MMEL1: variants seen among roughly 807,000 people sequenced by gnomAD.
MMEL1 encodes the protein membrane metalloendopeptidase like 1.
MMEL1 carries 98 observed loss-of-function variants against 117.1 expected under a neutral mutation model. The ratio of observed to expected loss-of-function variants is 0.84; its 90% CI spans 0.71 to 0.99. MMEL1 has a LOEUF of 0.99. Among genes scored for constraint, MMEL1 ranks in the 50% least tolerant of loss-of-function variants. The pLI is 0.00. For synonymous variants in MMEL1, 390 were observed against 415.1 expected (o/e 0.94, Z 0.74); for missense variants, 1,014 against 1,049.1 (o/e 0.97, Z 0.46).
intron 17 of MMEL1, 38 bp from the exon 18 acceptor site, chr1:2,594,481 C>T (rs145701769): frequency 3.8e-5 from 59 of 1,550,432 alleles, no homozygotes; most frequent in African/African-American, 9.6e-5. Context: ...GCCGCCTCTC[C>T]GGGGACCCTC....
chr1:2,595,042 GC>G lies in MMEL1; in HGVS notation c.1585-150del, dbSNP rs1458215402. 2.1e-5 allele frequency: 15 copies of G among 728,890 alleles called. No homozygotes were observed. In the East Asian group the frequency reaches 3.4e-4, roughly 16 times the overall value. The allele number at this position is 728,890 out of a possible 1,614,324, so 45.2% of individuals were successfully genotyped here. On this transcript the variant is annotated intron_variant, in intron 16 of 23. Coordinates refer to ENST00000378412, the MANE Select transcript of MMEL1 (RefSeq NM_033467.4). The surrounding 1 kb of genome is among the most constrained non-coding windows in gnomAD (Gnocchi z 4.8). Reference sequence around the variant, plus strand: ...GCTGTGGGTGCAGGTGAACGGGGCAGCCCTGGCTGTGGGCATTTACATGACT... The same window carrying G: ...GCTGTGGGTGCAGGTGAACGGGGCAGCCTGGCTGTGGGCATTTACATGACT...
Position 2,612,247 on chromosome 1 carries a change from GCTCCCTGGGGGTGCTGGGGGC to G in MMEL1, c.155-64_155-44del. The G allele has an allele frequency of 6.5e-7, 1 of 1,529,228 alleles. No homozygotes were observed. Among genetic ancestry groups the G allele is most frequent in the Non-Finnish European group, 8.9e-7 (1 of 1,126,228 alleles). 94.7% of individuals were successfully genotyped at this position (1,529,228 alleles called of 1,614,324 possible). On this transcript the variant is annotated intron_variant, in intron 2 of 23. Transcript: ENST00000378412. The surrounding 1 kb of genome is among the most constrained non-coding windows in gnomAD (Gnocchi z 5.4). ...GCTCAGCTGCGGCCTCCTGCCTGCA[GCTCCCTGGGGGTGCTGGGGGC>G]CTCCCTGGGTCAGCACGCCATCTTC... is the stretch of plus-strand genomic sequence containing the variant.
chr1:2,609,590 G>A (rs1464994128), intron 5 of MMEL1, 80 bp downstream of exon 5: 1 of 1,551,370 alleles, frequency 6.4e-7, no homozygotes, highest in Non-Finnish European at 8.8e-7. Context: ...ACAGGGGCGA[G>A]ACACAGCCAG....
chr1:2,595,290 C>T lies in MMEL1; in HGVS notation c.1570G>A (p.Glu524Lys), dbSNP rs748381387. ...TGGGGGCGCACATTGGAGTACTCCT[C>T]GTCCAGGCGCCTGTTCATCTCCTCC... ...ILEEMNRRLD[E>K]EYSNLNFSED... Residue 524 changes from glutamate (E) to lysine (K), a missense_variant, in exon 16 of 24, where the codon GAG (glutamate) becomes AAG (lysine). By Grantham distance (56) the Glu-to-Lys change is moderately conservative. Transcript: ENST00000378412. The surrounding 1 kb of genome is among the most constrained non-coding windows in gnomAD (Gnocchi z 4.8). The T allele has an allele frequency of 1.8e-5, 29 of 1,613,740 alleles. No homozygotes were observed. Among genetic ancestry groups the T allele is most frequent in the Non-Finnish European group, 2.5e-5 (29 of 1,179,986 alleles).
chr1:2,632,890 C>T lies in MMEL1; in HGVS notation c.-62G>A, dbSNP rs1462433467. 8.1e-6 allele frequency: 8 copies of T among 985,468 alleles called. No homozygotes were observed. The highest frequency in any genetic ancestry group is 1.1e-4 in the East Asian group (1 of 8,904). The allele number at this position is 985,468 out of a possible 1,614,324, so 61.0% of individuals were successfully genotyped here. A position where few individuals can be genotyped will look rare whatever the true frequency, so the allele number is the denominator to read the frequency against. On this transcript the variant is annotated 5_prime_UTR_variant, in exon 1 of 24. Coordinates refer to ENST00000378412, the MANE Select transcript of MMEL1 (RefSeq NM_033467.4). ...CCTTTGCTCACTCAGGAGTGGCTGC[C>T]GCCCACAGTCAGGCCCCTGGAGACT...
Position 2,606,999 on chromosome 1 carries a change from C to A in MMEL1, c.606G>T (p.Ala202=). The A allele has an allele frequency of 6.2e-7, 1 of 1,613,238 alleles. No individual in the cohort carries two copies. Among genetic ancestry groups the A allele is most frequent in the East Asian group, 2.2e-5 (1 of 44,874 alleles). The stretch of plus-strand genomic sequence containing the variant: ...CTACGGTCTCGTTCCACCTGTCCAT[C>A]GCCACCGGCCAGCCTCCCACCACCT... ...ILEVVGGWPV[A]MDRWNETVGL... is the part of the protein sequence containing the mutation. The change falls in exon 7 of 24, where the codon GCG becomes GCT. Residue 202 remains alanine, a synonymous_variant. Transcript: ENST00000378412.
In MMEL1 at chr1:2,596,119, G is replaced by T. The variant is rs1214716776; in HGVS notation, c.1402-12C>A. On this transcript the variant is annotated splice_polypyrimidine_tract_variant and intron_variant, in intron 14 of 23. Transcript: ENST00000378412. ...ATGAGTTCTCTGACCTGGGAATCGG[G>T]CATGGCCCTCGTGTCCCAGACTCAT... 1.2e-6 allele frequency: 2 copies of T among 1,610,906 alleles called. No individual in the cohort carries two copies. Among genetic ancestry groups the T allele is most frequent in the South Asian group, 2.2e-5 (2 of 91,006 alleles).
intron 9 of MMEL1, among the ~76,000 whole-genome samples, chr1:2,604,978 C>G (rs531901105): frequency 6.6e-6 from 1 of 152,320 alleles, no homozygotes; most frequent in South Asian, 2.1e-4. Context: ...CCCACCTCCA[C>G]CAGGAGGCCC....
intron 2 of MMEL1, among the ~76,000 whole-genome samples, chr1:2,623,867 G>A (rs1436120824): frequency 2.0e-5 from 3 of 152,136 alleles, no homozygotes; most frequent in Non-Finnish European, 4.4e-5. Flanking sequence ...CCCCTCTCAC[G>A]CCCAGGAACC....
chr1:2,628,045 G>A (rs1017782085), intron 2 of MMEL1, among the ~76,000 whole-genome samples: 2 of 152,240 alleles, frequency 1.3e-5, no homozygotes, highest in East Asian at 3.8e-4. Flanking sequence ...CCCCACAGCT[G>A]GGGGTGTGTG....
chr1:2,628,850 G>T (rs563010633), intron 2 of MMEL1, among the ~76,000 whole-genome samples: 2 of 152,154 alleles, frequency 1.3e-5, no homozygotes, highest in African/African-American at 4.8e-5. Context: ...GGGCGGGGGC[G>T]GCAGGACCCT....
At chr1:2,626,509 A>C (rs926017062) in intron 2 of MMEL1, among the ~76,000 whole-genome samples, 2 of 152,258 alleles carry the variant, frequency 1.3e-5, no homozygotes, top group Non-Finnish European at 1.5e-5. Context: ...GTAGCCATAG[A>C]TGATACATAA....
intron 23 of MMEL1, 53 bp downstream of exon 23, chr1:2,591,504 T>G: frequency 7.1e-7 from 1 of 1,402,878 alleles, no homozygotes; most frequent in Non-Finnish European, 1.0e-6. Context: ...GCCACTGGGG[T>G]GGGGGTGAGG....
At chr1:2,605,864 C>A (rs916602852) in intron 8 of MMEL1, among the ~76,000 whole-genome samples, 2 of 152,042 alleles carry the variant, frequency 1.3e-5, no homozygotes, top group Non-Finnish European at 2.9e-5. Context: ...CAGGCTGTCC[C>A]GGGCCTCGCA....
At chr1:2,630,447 CGT>C (rs538624662) in intron 1 of MMEL1, among the ~76,000 whole-genome samples, 10 of 152,002 alleles carry the variant, frequency 6.6e-5, no homozygotes, top group South Asian at 2.1e-4. Context: ...TGAGCGTGAA[CGT>C]GTGTGTGCGC....
At chr1:2,594,126 G>A in intron 18 of MMEL1, 193 bp from the exon 19 acceptor site, 1 of 826,312 alleles carries the variant, frequency 1.2e-6, no homozygotes, top group African/African-American at 1.7e-5. Context: ...GGCAGACCCA[G>A]GACCTCAGTC....
chr1:2,632,842 G>A lies in MMEL1; in HGVS notation c.-38+24C>T, dbSNP rs181247446. 2.7e-5 allele frequency: 27 copies of A among 985,268 alleles called. No individual in the cohort carries two copies. The East Asian group carries it at 2.8e-3, about 102-fold the overall frequency. 61.0% of individuals were successfully genotyped at this position (985,268 alleles called of 1,614,324 possible). On this transcript the variant is annotated intron_variant, in intron 1 of 23. Coordinates refer to ENST00000378412, the MANE Select transcript of MMEL1 (RefSeq NM_033467.4). Reference sequence around the variant, plus strand: ...TTCAAGGCCCAGGAAAGCAGGCCGGGTACCTTCCTTCAGCACAACTCACCT... The same window carrying A: ...TTCAAGGCCCAGGAAAGCAGGCCGGATACCTTCCTTCAGCACAACTCACCT...
chr1:2,619,286 C>A (rs1645253370), intron 2 of MMEL1, among the ~76,000 whole-genome samples: 2 of 152,178 alleles, frequency 1.3e-5, no homozygotes, highest in Non-Finnish European at 2.9e-5. Flanking sequence ...TGTTTTATGC[C>A]AGTGAGTGTT....
At position 2,632,891 on chromosome 1, in the gene MMEL1, G is replaced by A. The variant is rs970639690; in HGVS notation, c.-63C>T. 3 of 985,574 alleles carry A rather than the reference G, an allele frequency of 3.0e-6. No homozygotes were observed. The highest frequency in any genetic ancestry group is 1.1e-4 in the East Asian group (1 of 8,884). 61.1% of individuals were successfully genotyped at this position (985,574 alleles called of 1,614,324 possible). On this transcript the variant is annotated 5_prime_UTR_variant, in exon 1 of 24. Transcript: ENST00000378412. ...CTTTGCTCACTCAGGAGTGGCTGCC[G>A]CCCACAGTCAGGCCCCTGGAGACTG...
Sources: allele counts gnomAD v4.1 joint callset (sites outside exome capture counted in the v4.1 genomes callset), GRCh38; gene constraint gnomAD v4.1.1; non-coding constraint Gnocchi (gnomAD v3.1); transcripts MANE v1.5; gene names NCBI Gene and HGNC (gene_info 2026-07-23, HGNC 2026-07-21).